The following SREBF1 variants were observed in gnomAD, a reference collection of about 807,000 sequenced individuals.
SREBF1 encodes sterol regulatory element binding transcription factor 1.
SREBF1 carries 45 observed loss-of-function variants against 100.1 expected under a neutral mutation model. The ratio of observed to expected loss-of-function variants is 0.45; its 90% CI spans 0.35 to 0.58. The LOEUF is 0.58. Among genes scored for constraint, SREBF1 ranks in the 20% least tolerant of loss-of-function variants. The pLI is 0.00. For missense variants in SREBF1, 1,324 were observed against 1,539.4 expected (o/e 0.86, Z 2.34); for synonymous variants, 657 against 681.8 (o/e 0.96, Z 0.57).
intron 1 of SREBF1, among the ~76,000 whole-genome samples, chr17:17,836,054 G>A (rs1205472334): frequency 1.3e-5 from 2 of 152,196 alleles, no homozygotes; most frequent in African/African-American, 2.4e-5. Flanking sequence ...CCCCAGCCTC[G>A]CTCCACCCAA....
rs776969673 is a variant in SREBF1, at chr17:17,817,334, G to A, written c.1528C>T (p.Arg510Trp). The change falls in exon 8 of 19, where the codon CGG becomes TGG. Residue 510 changes from arginine to tryptophan, a missense_variant. Coordinates refer to ENST00000261646, the MANE Select transcript of SREBF1 (RefSeq NM_004176.5). This position sits in a 1 kb window ranked among gnomAD's most constrained non-coding sequence, Gnocchi z 6.6. ...CNPLASLLGA[R>W]GLPSPSDTTS... ...GTATCTGAGGGGCTGGGAAGCCCCC[G>A]GGCCCCCAGCAAGGAGGCCAAGGGG... 23 of 1,606,296 alleles carry A rather than the reference G, an allele frequency of 1.4e-5. No individual in the cohort carries two copies. Among genetic ancestry groups the A allele is most frequent in the South Asian group, 1.0e-4 (9 of 89,980 alleles).
In SREBF1 at chr17:17,814,208, C is replaced by G. The variant is rs981584094; in HGVS notation, c.2901+37G>C. On this transcript the variant is annotated intron_variant, in intron 16 of 18. Transcript: ENST00000261646. ...GGAACCAGGGAATGGAAAGCTGAAT[C>G]CCCCAGCCCTGCCAGGCCCCTGACC... 4.4e-6 allele frequency: 7 copies of G among 1,575,442 alleles called. No homozygotes were observed. In the African/African-American group the frequency reaches 9.4e-5, roughly 21 times the overall value.
Position 17,813,430 on chromosome 17 carries a change from G to A in SREBF1, c.3152C>T (p.Thr1051Ile), listed in dbSNP as rs769850076. Reference protein sequence around the residue: ...TARLMAGASPTRTHQLLDRSL... With the variant: ...TARLMAGASPIRTHQLLDRSL... ...GCGGTCGAGGAGCTGGTGTGTCCGT[G>A]TGGGGCTGGCCCCCGCCATCAGCCG... Residue 1051 changes from threonine (T) to isoleucine (I), a missense_variant, in exon 18 of 19, where the codon ACA (threonine) becomes ATA (isoleucine). Transcript: ENST00000261646. 2.5e-6 allele frequency: 4 copies of A among 1,600,560 alleles called. No individual in the cohort carries two copies. Among genetic ancestry groups the A allele is most frequent in the Non-Finnish European group, 2.6e-6 (3 of 1,174,876 alleles).
Position 17,811,629 on chromosome 17 carries a change from G to A in SREBF1, c.*993C>T. Reference sequence around the variant, plus strand: ...GTGCCCCCTCTCCAGTGTGGCGGCAGGTCGGGAGGGAGGAGGCTTCTTTGC... The same window carrying A: ...GTGCCCCCTCTCCAGTGTGGCGGCAAGTCGGGAGGGAGGAGGCTTCTTTGC... On this transcript the variant is annotated 3_prime_UTR_variant, in exon 19 of 19. Coordinates refer to ENST00000261646, the MANE Select transcript of SREBF1 (RefSeq NM_004176.5). 2.3e-6 allele frequency: 1 copy of A among 437,654 alleles called. No homozygotes were observed. The highest frequency in any genetic ancestry group is 4.5e-6 in the Non-Finnish European group (1 of 220,454). The allele number at this position is 437,654 out of a possible 1,614,324, so 27.1% of individuals were successfully genotyped here.
At chr17:17,826,576 C>T (rs995737177) in intron 1 of SREBF1, among the ~76,000 whole-genome samples, 10 of 152,170 alleles carry the variant, frequency 6.6e-5, no homozygotes, top group African/African-American at 2.2e-4. Context: ...CCAACTGCTC[C>T]CTAGTTCACC....
chr17:17,815,176 C>A (rs780767551), intron 13 of SREBF1, 45 bp downstream of exon 13: 7 of 1,567,254 alleles, frequency 4.5e-6, no homozygotes, highest in Non-Finnish European at 6.1e-6. Flanking sequence ...TTCTCAGAAT[C>A]CCGCCGGAGG....
rs561252813 is a variant in SREBF1 at position 17,831,021 on chromosome 17, C to T, written c.91+5706G>A. On this transcript the variant is annotated intron_variant, in intron 1 of 18. Coordinates refer to ENST00000261646, the MANE Select transcript of SREBF1 (RefSeq NM_004176.5). ...GCAGTGACTCCTGCCTGGAGCTGACCGGGTCACTCAGGATGTTTGTGTCCA... is the reference window on the plus strand; with the variant it reads ...GCAGTGACTCCTGCCTGGAGCTGACTGGGTCACTCAGGATGTTTGTGTCCA... Among the ~76,000 whole-genome samples, 4 of 133,028 alleles carry T rather than the reference C, an allele frequency of 3.0e-5. No individual in the cohort carries two copies. The East Asian group carries it at 5.9e-4, about 20-fold the overall frequency. The allele number at this position is 133,028 out of a possible 152,430, so 87.3% of individuals were successfully genotyped here. A position where few individuals can be genotyped will look rare whatever the true frequency, so the allele number is the denominator to read the frequency against.
At chr17:17,823,468 G>A in intron 1 of SREBF1, 1 of 1,377,192 alleles carries the variant, frequency 7.3e-7, no homozygotes, top group Non-Finnish European at 1.0e-6. Context: ...AGAACCTGCA[G>A]GAGACGGAGG....
chr17:17,819,373 C>CCGCCTT lies in SREBF1; in HGVS notation c.787_792dup (p.Lys263_Ala264dup), dbSNP rs1285395261. ...CCAGAGACCAGGGGACTGAGACCTG[C>CCGCCTT]CGCCTTCACAGTGGCTCCGTCTGTC... On this transcript the variant is annotated inframe_insertion, in exon 4 of 19. Coordinates refer to ENST00000261646, the MANE Select transcript of SREBF1 (RefSeq NM_004176.5). 1 of 1,613,728 alleles carries CCGCCTT rather than the reference C, an allele frequency of 6.2e-7. No individual in the cohort carries two copies. The highest frequency in any genetic ancestry group is 1.3e-5 in the African/African-American group (1 of 74,954).
In SREBF1 at chr17:17,816,642, A is replaced by C. The variant is rs1350218379; in HGVS notation, c.1862T>G (p.Leu621Arg). 1.9e-6 allele frequency: 3 copies of C among 1,595,144 alleles called. No individual in the cohort carries two copies. The highest frequency in any genetic ancestry group is 2.6e-6 in the Non-Finnish European group (3 of 1,172,008). Residue 621 changes from leucine (L) to arginine (R), a missense_variant, in exon 10 of 19, where the codon CTG becomes CGG. By Grantham distance (102) the Leu-to-Arg change is moderately radical. Transcript: ENST00000261646. ...ALGRPLPTSHLDLACSLLWNL... is the reference protein window; with the variant it reads ...ALGRPLPTSHRDLACSLLWNL... ...CCAGAGGAGGCTACAAGCCAGGTCC[A>C]GGTGGGAGGTGGGCAGGGGCCGGCC...
At position 17,813,462 on chromosome 17, in the gene SREBF1, G is replaced by A. The variant is rs1356020756; in HGVS notation, c.3120C>T (p.Ala1040=). 10 of 1,603,024 alleles carry A rather than the reference G, an allele frequency of 6.2e-6. No homozygotes were observed. Among genetic ancestry groups the A allele is most frequent in the Non-Finnish European group, 8.5e-6 (10 of 1,175,264 alleles). The stretch of plus-strand genomic sequence containing the variant: ...TGGCCCCCGCCATCAGCCGGGCCGT[G>A]GCCTCATGTAGGAACACCTGGGGGC... The part of the protein sequence containing the change: ...PAMRRVFLHE[A]TARLMAGASP... The change falls in exon 18 of 19, where the codon GCC becomes GCT. Residue 1040 remains alanine, a synonymous_variant. Coordinates refer to ENST00000261646, the MANE Select transcript of SREBF1 (RefSeq NM_004176.5).
At chr17:17,822,151 A>G (rs966279295) in intron 1 of SREBF1, among the ~76,000 whole-genome samples, 1 of 152,248 alleles carries the variant, frequency 6.6e-6, no homozygotes, top group African/African-American at 2.4e-5. Context: ...AGGGAGGACC[A>G]CAAGCAGCCC....
At chr17:17,823,003 G>T (rs2034208485) in intron 1 of SREBF1, among the ~76,000 whole-genome samples, 2 of 152,196 alleles carry the variant, frequency 1.3e-5, no homozygotes, top group South Asian at 4.1e-4. Flanking sequence ...ACTTTCAACT[G>T]CAGGGTTTCC....
Position 17,817,099 on chromosome 17 carries a change from C to T in SREBF1, c.1644G>A (p.Val548=). 1 of 1,612,948 alleles carries T rather than the reference C, an allele frequency of 6.2e-7. No individual in the cohort carries two copies. Among genetic ancestry groups the T allele is most frequent in the Non-Finnish European group, 8.5e-7 (1 of 1,179,898 alleles). Residue 548 remains valine (V), a synonymous_variant, in exon 9 of 19, where the codon GTG becomes GTA. Coordinates refer to ENST00000261646, the MANE Select transcript of SREBF1 (RefSeq NM_004176.5). This position sits in a 1 kb window ranked among gnomAD's most constrained non-coding sequence, Gnocchi z 6.6. ...CCAACAGCCCATTGAGCAGCCAGAC[C>T]ACTGGGGGCAGCAGCCACTGGGCCC... is the stretch of plus-strand genomic sequence containing the variant. The part of the protein sequence containing the change: ...PGWAQWLLPP[V]VWLLNGLLVL...
Position 17,816,372 on chromosome 17 carries a change from C to T in SREBF1, c.2049G>A (p.Gly683=), listed in dbSNP as rs771276198. 2.5e-6 allele frequency: 4 copies of T among 1,589,472 alleles called. No individual in the cohort carries two copies. Among genetic ancestry groups the T allele is most frequent in the Non-Finnish European group, 2.6e-6 (3 of 1,169,714 alleles). ...YHKLHQLHTM[G]KHTGGHLTAT... is the part of the protein sequence containing the mutation. The stretch of plus-strand genomic sequence containing the variant: ...CAGTGAGGTGCCCGCCTGTGTGCTT[C>T]CCTGGAAGGCAAGCAGGCATGAGGC... Residue 683 remains glycine, a splice_region_variant and synonymous_variant, in exon 11 of 19, where the codon GGG becomes GGA. Transcript: ENST00000261646.
chr17:17,834,986 A>C (rs1428899862), intron 1 of SREBF1, among the ~76,000 whole-genome samples: 2 of 151,428 alleles, frequency 1.3e-5, no homozygotes, highest in African/African-American at 4.9e-5. Context: ...TGCAGAAAAC[A>C]AACAAACAAA....
intron 14 of SREBF1, 31 bp downstream of exon 14, chr17:17,814,804 A>G (rs571243616): frequency 6.2e-7 from 1 of 1,608,056 alleles, no homozygotes; most frequent in African/African-American, 1.3e-5. Flanking sequence ...GGGAGCTGAG[A>G]AGGGAGCCAG....
Position 17,817,540 on chromosome 17 carries a change from C to G in SREBF1, c.1405-83G>C. The G allele has an allele frequency of 1.3e-6, 2 of 1,533,242 alleles. No individual in the cohort carries two copies. The highest frequency in any genetic ancestry group is 1.2e-5 in the South Asian group (1 of 83,930). The allele number at this position is 1,533,242 out of a possible 1,614,324, so 95.0% of individuals were successfully genotyped here. A position where few individuals can be genotyped will look rare whatever the true frequency, so the allele number is the denominator to read the frequency against. Reference sequence around the variant, plus strand: ...GGCTGGGAAGGGGGGGGTCAGGATTCTGCCCACCTTACTGTGGGACCCCAC... The same window carrying G: ...GGCTGGGAAGGGGGGGGTCAGGATTGTGCCCACCTTACTGTGGGACCCCAC... On this transcript the variant is annotated intron_variant, in intron 7 of 18. Coordinates refer to ENST00000261646, the MANE Select transcript of SREBF1 (RefSeq NM_004176.5). The surrounding 1 kb of genome is among the most constrained non-coding windows in gnomAD (Gnocchi z 6.6).
chr17:17,825,538 C>A (rs1474241642), intron 1 of SREBF1, among the ~76,000 whole-genome samples: 1 of 151,500 alleles, frequency 6.6e-6, no homozygotes, highest in Non-Finnish European at 1.5e-5. Context: ...TGGCCAGCCT[C>A]TGAAACTCAA....
Sources: allele counts gnomAD v4.1 joint callset (sites outside exome capture counted in the v4.1 genomes callset), GRCh38; gene constraint gnomAD v4.1.1; non-coding constraint Gnocchi (gnomAD v3.1); transcripts MANE v1.5; gene names NCBI Gene and HGNC (gene_info 2026-07-23, HGNC 2026-07-21).